Variants in LRP1B observed in about 807,000 individuals in gnomAD.
LRP1B encodes the protein low-density lipoprotein receptor-related protein 1B.
LRP1B carries 217 observed loss-of-function variants against 556.6 expected under a neutral mutation model. The ratio of observed to expected loss-of-function variants is 0.39; its 90% CI spans 0.35 to 0.44. The LOEUF (loss-of-function observed/expected upper bound fraction) is 0.44. Among genes scored for constraint, LRP1B ranks in the 20% least tolerant of loss-of-function variants. LRP1B has a pLI of 1.00. For missense variants in LRP1B, 5,053 were observed against 5,620.8 expected, an observed-to-expected ratio of 0.90 and a Z score of 3.23; for synonymous variants, 2,047 against 1,865.8, an observed-to-expected ratio of 1.10 and a Z score of -2.50.
intron 2 of LRP1B, among the ~76,000 whole-genome samples, chr2:141,487,231 A>G (rs1041469794): frequency 6.6e-6 from 1 of 152,060 alleles, no homozygotes; most frequent in Admixed American, 6.6e-5. Context: ...AAATTTGCTC[A>G]TGATTATTAT....
chr2:140,960,142 C>T (rs2105313828), intron 18 of LRP1B, among the ~76,000 whole-genome samples: 1 of 151,444 alleles, frequency 6.6e-6, no homozygotes, highest in East Asian at 2.0e-4. Context: ...ATTCTGATAT[C>T]TTGACTCTGC....
chr2:141,499,055 T>C (rs914561671), intron 2 of LRP1B, among the ~76,000 whole-genome samples: 2 of 152,118 alleles, frequency 1.3e-5, no homozygotes, highest in African/African-American at 2.4e-5. Context: ...CAGAAGAGAA[T>C]TCATTGTTAA....
At chr2:141,127,934 T>A (rs140355659) in intron 7 of LRP1B, among the ~76,000 whole-genome samples, 2,199 of 152,320 alleles carry the variant, frequency 0.014, 22 homozygotes, top group Middle Eastern at 0.048. Context: ...AACTGTGAGC[T>A]ACCAGATACA....
chr2:140,802,198 T>G (rs191288315), intron 32 of LRP1B, among the ~76,000 whole-genome samples: 1 of 152,264 alleles, frequency 6.6e-6, no homozygotes, highest in East Asian at 1.9e-4. Context: ...CTTGGGGGAA[T>G]TAAGGAAATT....
chr2:141,137,733 G>A (rs942901671), intron 7 of LRP1B, among the ~76,000 whole-genome samples: 3 of 151,698 alleles, frequency 2.0e-5, no homozygotes, highest in African/African-American at 7.3e-5. Context: ...AAATAAATAG[G>A]GGCAATGTTG....
intron 2 of LRP1B, among the ~76,000 whole-genome samples, chr2:141,544,343 C>CTTCTTCTTCTTCTTCTTCTTCTTCTTCTT (rs1685440638): frequency 4.8e-5 from 4 of 83,518 alleles, no homozygotes; most frequent in African/African-American, 1.4e-4. Context: ...TCTTCTTCTT[C>CTTCTTCTTCTTCTTCTTCTTCTTCTTCTT]TTCTTCTTCT....
rs753983504 is a variant in LRP1B, at chr2:141,055,231, T to C, written c.1437A>G (p.Pro479=). Residue 479 remains proline, a synonymous_variant, in exon 10 of 91, where the codon CCA becomes CCG. Transcript: ENST00000389484. ...TVRSHACEVD[P]YGMPGGCSHI... is the part of the protein sequence containing the mutation. ...GTGAACAGCCCCCTGGCATTCCATA[T>C]GGATCGACTTCACATGCATGGCTTC... The C allele has an allele frequency of 1.9e-6, 3 of 1,611,236 alleles. No individual in the cohort carries two copies. The highest frequency in any genetic ancestry group is 1.7e-6 in the Non-Finnish European group (2 of 1,178,456).
intron 3 of LRP1B, among the ~76,000 whole-genome samples, chr2:141,435,613 A>G (rs765334679): frequency 6.6e-6 from 1 of 152,030 alleles, no homozygotes; most frequent in Non-Finnish European, 1.5e-5. Flanking sequence ...GGAGGCAGGG[A>G]TTTGCTGTTT....
intron 1 of LRP1B, among the ~76,000 whole-genome samples, chr2:141,972,842 T>C (rs1574547945): frequency 1.3e-5 from 2 of 151,774 alleles, no homozygotes; most frequent in South Asian, 4.1e-4. Flanking sequence ...TGAAATCTGA[T>C]AGAAATAATG....
chr2:140,371,001 T>A (rs1176486267), intron 70 of LRP1B, among the ~76,000 whole-genome samples, 159 bp from the exon 71 acceptor site: 1 of 152,076 alleles, frequency 6.6e-6, no homozygotes. Flanking sequence ...AGAATGAGCT[T>A]TAGTATATGG....
At chr2:140,619,716 G>C (rs1328434859) in intron 41 of LRP1B, among the ~76,000 whole-genome samples, 1 of 152,032 alleles carries the variant, frequency 6.6e-6, no homozygotes, top group African/African-American at 2.4e-5. Context: ...GAAGCACTAT[G>C]GAAATAAATG....
intron 84 of LRP1B, among the ~76,000 whole-genome samples, chr2:140,291,320 T>TATATATATATATATTTA (rs745524571): frequency 3.9e-5 from 2 of 51,856 alleles, no homozygotes; most frequent in African/African-American, 6.2e-5. Flanking sequence ...ATATATATAT[T>TATATATATATATATTTA]TTTATTATAC....
chr2:140,267,857 T>C (rs903081881), intron 86 of LRP1B, among the ~76,000 whole-genome samples: 1 of 151,986 alleles, frequency 6.6e-6, no homozygotes, highest in Non-Finnish European at 1.5e-5. Flanking sequence ...AATTAACATA[T>C]TTTTTCCTGG....
intron 35 of LRP1B, among the ~76,000 whole-genome samples, chr2:140,741,762 C>A (rs985062508): frequency 6.6e-6 from 1 of 151,372 alleles, no homozygotes; most frequent in Non-Finnish European, 1.5e-5. Context: ...TGCATTAATT[C>A]ATTTAACATA....
chr2:140,255,783 A>G (rs980060103), intron 86 of LRP1B, among the ~76,000 whole-genome samples: 2 of 152,218 alleles, frequency 1.3e-5, no homozygotes, highest in Non-Finnish European at 2.9e-5. Context: ...ATCATTCATA[A>G]GAACATGCTT....
At chr2:141,007,569 A>C (rs1315035174) in intron 14 of LRP1B, among the ~76,000 whole-genome samples, 1 of 151,714 alleles carries the variant, frequency 6.6e-6, no homozygotes, top group African/African-American at 2.4e-5. Context: ...GCCATGGAAT[A>C]AAAATGCAAT....
intron 87 of LRP1B, among the ~76,000 whole-genome samples, chr2:140,243,236 G>T (rs1257994738): frequency 6.6e-6 from 1 of 150,988 alleles, no homozygotes; most frequent in Non-Finnish European, 1.5e-5. Context: ...TAGGAATTTT[G>T]GGGAATCAAC....
At chr2:141,163,916 A>G (rs1216546501) in intron 7 of LRP1B, among the ~76,000 whole-genome samples, 1 of 152,116 alleles carries the variant, frequency 6.6e-6, no homozygotes, top group Non-Finnish European at 1.5e-5. Flanking sequence ...ATTTAATGTT[A>G]AATATTTGGA....
At chr2:140,674,597 C>T (rs964641681) in intron 41 of LRP1B, among the ~76,000 whole-genome samples, 1 of 152,142 alleles carries the variant, frequency 6.6e-6, no homozygotes, top group Non-Finnish European at 1.5e-5. Context: ...GTTGTCTTGC[C>T]TTTCCCAACT....
Sources: allele counts gnomAD v4.1 joint callset (sites outside exome capture counted in the v4.1 genomes callset), GRCh38; gene constraint gnomAD v4.1.1; transcripts MANE v1.5; gene names NCBI Gene and HGNC (gene_info 2026-07-23, HGNC 2026-07-21).